The following PISD variants were observed in gnomAD, a reference collection of about 807,000 sequenced individuals.
The protein encoded by PISD is phosphatidylserine decarboxylase proenzyme, mitochondrial.
PISD carries 31 observed loss-of-function variants against 43.5 expected under a neutral mutation model. The observed-to-expected ratio is 0.71, with a 90% CI of 0.54 to 0.96. The LOEUF (loss-of-function observed/expected upper bound fraction) is 0.96. Ranked by LOEUF, PISD falls within the 40% of genes least tolerant of loss-of-function variation. PISD has a pLI of 0.00. For missense variants in PISD, 523 were observed against 548.4 expected (o/e 0.95, Z 0.46); for synonymous variants, 259 against 228.7 (o/e 1.13, Z -1.20).
At chr22:31,651,897 A>C (rs1182254756) in intron 1 of PISD, among the ~76,000 whole-genome samples, 2 of 152,214 alleles carry the variant, frequency 1.3e-5, no homozygotes, top group Admixed American at 1.3e-4. Flanking sequence ...TTTCCCCTTA[A>C]TCAAAGAGGA....
intron 1 of PISD, among the ~76,000 whole-genome samples, chr22:31,657,427 AC>A (rs2074210881): frequency 6.6e-6 from 1 of 151,958 alleles, no homozygotes; most frequent in Non-Finnish European, 1.5e-5. Flanking sequence ...GAGCCACCGC[AC>A]CCAGCCTTTT....
chr22:31,639,095 G>A (rs190388925), intron 3 of PISD, among the ~76,000 whole-genome samples: 1 of 150,954 alleles, frequency 6.6e-6, no homozygotes, highest in East Asian at 2.0e-4. Flanking sequence ...CCAGGTTCAA[G>A]CGATTCTCCT....
Position 31,618,576 on chromosome 22 carries a change from A to C in PISD, c.*1036T>G. ...AGTCTCCCACTTTTCATACAAAAATACTGTGCTACTGATACAGTTGAAAAA... is the reference window on the plus strand; with the variant it reads ...AGTCTCCCACTTTTCATACAAAAATCCTGTGCTACTGATACAGTTGAAAAA... On this transcript the variant is annotated 3_prime_UTR_variant, in exon 8 of 8. Transcript: ENST00000439502. 1 of 679,446 alleles carries C rather than the reference A, an allele frequency of 1.5e-6. No individual in the cohort carries two copies. Among genetic ancestry groups the C allele is most frequent in the Non-Finnish European group, 2.2e-6 (1 of 451,768 alleles). The allele number at this position is 679,446 out of a possible 1,614,324, so 42.1% of individuals were successfully genotyped here. A position where few individuals can be genotyped will look rare whatever the true frequency, so the allele number is the denominator to read the frequency against.
chr22:31,648,341 C>G (rs2073938671), intron 2 of PISD, 65 bp from the exon 3 acceptor site: 3 of 1,396,614 alleles, frequency 2.1e-6, no homozygotes, highest in Non-Finnish European at 3.0e-6. Flanking sequence ...CATGCAAACA[C>G]AGCACCAACA....
intron 1 of PISD, 108 bp downstream of exon 1, chr22:31,662,036 C>G: frequency 9.8e-7 from 1 of 1,018,270 alleles, no homozygotes; most frequent in Non-Finnish European, 1.5e-6. Context: ...TCCGTCTCCA[C>G]CCGAGCTCGC....
chr22:31,639,472 C>T (rs757057793), intron 3 of PISD, among the ~76,000 whole-genome samples: 6 of 152,146 alleles, frequency 3.9e-5, no homozygotes, highest in Non-Finnish European at 8.8e-5. Flanking sequence ...AAGCAATCTT[C>T]CCACCTCAGC....
intron 3 of PISD, among the ~76,000 whole-genome samples, chr22:31,637,143 TAAAAAAAAAAAAAA>T (rs1170100945): frequency 1.9e-4 from 6 of 31,602 alleles, no homozygotes; most frequent in East Asian, 2.6e-3. Context: ...ATAAATAAAT[TAAAAAAAAAAAAAA>T]AAAAAAAATA....
At chr22:31,641,870 G>A (rs2073741074) in intron 3 of PISD, among the ~76,000 whole-genome samples, 1 of 150,834 alleles carries the variant, frequency 6.6e-6, no homozygotes, top group African/African-American at 2.5e-5. Context: ...AATTATTTCT[G>A]GAAATTTACA....
At chr22:31,633,716 A>AAAAC (rs111689818) in intron 3 of PISD, among the ~76,000 whole-genome samples, 5,402 of 151,904 alleles carry the variant, frequency 0.036, 284 homozygotes, top group African/African-American at 0.12. Flanking sequence ...CTCGTCTCAA[A>AAAAC]AAACAAACAA....
chr22:31,637,142 TTAAAAA>T (rs557603608), intron 3 of PISD, among the ~76,000 whole-genome samples: 5 of 12,396 alleles, frequency 4.0e-4, no homozygotes, highest in Non-Finnish European at 6.8e-4. Context: ...AATAAATAAA[TTAAAAA>T]AAAAAAAAAA....
chr22:31,654,617 TTAGAC>T (rs1167836066), intron 1 of PISD, among the ~76,000 whole-genome samples: 1 of 152,170 alleles, frequency 6.6e-6, no homozygotes, highest in Non-Finnish European at 1.5e-5. Flanking sequence ...TGGACACCTG[TTAGAC>T]TAAATTTCCC....
At position 31,622,504 on chromosome 22, in the gene PISD, CTCTTGAGGGCCTGGATGCAGCCAGTCT is replaced by C. The variant is rs1420566031; in HGVS notation, c.322-646_322-620del. ...GCAGCCCCCACAGGTCCAGCCAGCACTCTTGAGGGCCTGGATGCAGCCAGTCTGAGAAGCCCAGCCCTGCTGAGCCCC... is the reference window on the plus strand; with the variant it reads ...GCAGCCCCCACAGGTCCAGCCAGCACGAGAAGCCCAGCCCTGCTGAGCCCC... On this transcript the variant is annotated intron_variant, in intron 3 of 7. Transcript: ENST00000439502. Among the ~76,000 whole-genome samples the C allele has an allele frequency of 6.6e-5, 10 of 152,370 alleles. No homozygotes were observed. The South Asian group carries it at 2.1e-3, about 32-fold the overall frequency.
intron 3 of PISD, among the ~76,000 whole-genome samples, chr22:31,645,387 C>T (rs1420775403): frequency 6.6e-6 from 1 of 151,798 alleles, no homozygotes. Context: ...CCCTAGGTGA[C>T]AGAGCAAGGC....
chr22:31,638,481 G>A (rs2073583885), intron 3 of PISD: 3 of 985,536 alleles, frequency 3.0e-6, no homozygotes, highest in African/African-American at 1.7e-5. Context: ...ACAGGGAAGA[G>A]GGAGAAACGC....
At chr22:31,621,949 G>A (rs2072608166) in intron 3 of PISD, 64 bp from the exon 4 acceptor site, 6 of 1,234,388 alleles carry the variant, frequency 4.9e-6, no homozygotes, top group East Asian at 2.3e-5. Context: ...AGCCCAAGTA[G>A]TGTCATTAGC....
intron 7 of PISD, among the ~76,000 whole-genome samples, chr22:31,620,266 T>C (rs993742652): frequency 6.6e-6 from 1 of 152,228 alleles, no homozygotes; most frequent in African/African-American, 2.4e-5. Context: ...CTCCTCACTC[T>C]CACCTTTGAC....
At chr22:31,655,315 C>G (rs1262903051) in intron 1 of PISD, among the ~76,000 whole-genome samples, 1 of 145,394 alleles carries the variant, frequency 6.9e-6, no homozygotes, top group Non-Finnish European at 1.5e-5. Flanking sequence ...GGTACAACCC[C>G]CTTTTTTTTT....
chr22:31,634,884 A>G (rs906589872), intron 3 of PISD, among the ~76,000 whole-genome samples: 1 of 150,448 alleles, frequency 6.6e-6, no homozygotes, highest in Non-Finnish European at 1.5e-5. Context: ...AAGTGCTTTT[A>G]GGCCTGGCAC....
At chr22:31,622,078 G>A (rs1047665024) in intron 3 of PISD, among the ~76,000 whole-genome samples, 193 bp from the exon 4 acceptor site, 4 of 152,232 alleles carry the variant, frequency 2.6e-5, no homozygotes, top group East Asian at 1.9e-4. Context: ...CCTGCCACAC[G>A]GAGTGCTGGA....
Sources: gnomAD v4.1 joint callset for allele counts (sites outside exome capture counted in the v4.1 genomes callset) on GRCh38, gnomAD v4.1.1 for gene constraint, MANE v1.5 for transcripts, NCBI Gene and HGNC (gene_info 2026-07-23, HGNC 2026-07-21) for gene names.